Variants in PLCH1 observed in about 807,000 individuals in gnomAD.
PLCH1 encodes 1-phosphatidylinositol 4,5-bisphosphate phosphodiesterase eta-1.
Under a neutral mutation model 126.7 loss-of-function variants are expected in PLCH1, and 60 were observed. The ratio of observed to expected loss-of-function variants is 0.47; its 90% CI spans 0.38 to 0.59. The LOEUF is 0.59. Among genes scored for constraint, PLCH1 ranks in the 20% least tolerant of loss-of-function variants. The pLI, the probability that PLCH1 is intolerant of heterozygous loss-of-function variation, is 0.00. For synonymous variants in PLCH1, 719 were observed against 734.9 expected (o/e 0.98, Z 0.35); for missense variants, 1,723 against 2,040.0 (o/e 0.84, Z 2.99).
At chr3:155,558,000 G>A (rs1415413859) in intron 8 of PLCH1, among the ~76,000 whole-genome samples, 1 of 152,192 alleles carries the variant, frequency 6.6e-6, no homozygotes, top group Non-Finnish European at 1.5e-5. Context: ...AAAAGGCCAT[G>A]TAAAAATGTT....
chr3:155,547,767 A>G (rs1026419587), intron 10 of PLCH1, among the ~76,000 whole-genome samples: 6 of 151,544 alleles, frequency 4.0e-5, no homozygotes, highest in Non-Finnish European at 7.4e-5. Context: ...GGAAATCATC[A>G]TTCTCAGTAA....
chr3:155,628,356 G>GAAAAA (rs34200511), intron 2 of PLCH1, among the ~76,000 whole-genome samples: 18,167 of 97,262 alleles, frequency 0.19, 1,836 homozygotes, highest in East Asian at 0.36. Context: ...CTATGCCCAG[G>GAAAAA]AAAAAAAAAA....
At chr3:155,676,895 C>T (rs73876910) in intron 2 of PLCH1, among the ~76,000 whole-genome samples, 2,296 of 152,030 alleles carry the variant, frequency 0.015, 65 homozygotes, top group African/African-American at 0.053. Context: ...ATGAATGGGT[C>T]TAAAAAAGTC....
chr3:155,542,340 C>A (rs1220323826), intron 10 of PLCH1, among the ~76,000 whole-genome samples: 1 of 152,194 alleles, frequency 6.6e-6, no homozygotes, highest in Non-Finnish European at 1.5e-5. Flanking sequence ...GGGAGGGGAG[C>A]CCGCCATTGC....
rs139816868 is a variant in PLCH1 at position 155,734,091 on chromosome 3, G to T, written c.-41+10749C>A. 4.9e-3 allele frequency among the ~76,000 whole-genome samples: 743 copies of T among 151,734 alleles called. 8 individuals carry two copies. The highest frequency in any genetic ancestry group is 0.017 in the African/African-American group (712 of 41,398). On this transcript the variant is annotated intron_variant, in intron 1 of 22. Coordinates refer to ENST00000460012, the MANE Select transcript of PLCH1 (RefSeq NM_014996.4). Reference sequence around the variant, plus strand: ...AAAGACAAAAAGTAAGTGCTGGCAAGGATATGGAAAAAAGGAAATCCTTGT... The same window carrying T: ...AAAGACAAAAAGTAAGTGCTGGCAATGATATGGAAAAAAGGAAATCCTTGT...
chr3:155,503,205 C>G (rs1718157880), intron 13 of PLCH1, among the ~76,000 whole-genome samples: 1 of 152,180 alleles, frequency 6.6e-6, no homozygotes. Flanking sequence ...CCCCCAAAAG[C>G]CTTCTGATCC....
chr3:155,582,999 C>T (rs1305407260), intron 6 of PLCH1, among the ~76,000 whole-genome samples: 1 of 151,580 alleles, frequency 6.6e-6, no homozygotes, highest in African/African-American at 2.4e-5. Context: ...TACCAATGAC[C>T]TACCACAATA....
At position 155,565,113 on chromosome 3, in the gene PLCH1, T is replaced by A. The variant is rs757597678; in HGVS notation, c.871A>T (p.Thr291Ser). The change falls in exon 8 of 23, where the codon ACG (threonine) becomes TCG (serine). Residue 291 changes from threonine (T) to serine (S), a missense_variant. Thr to Ser is a moderately conservative substitution (Grantham distance 58). Coordinates refer to ENST00000460012, the MANE Select transcript of PLCH1 (RefSeq NM_014996.4). ...CAGGCAGGACTACGCATGAAGTTCG[T>A]GAAGCCTTTGGAAGAAAGAGAGTGA... is the stretch of plus-strand genomic sequence containing the variant. ...VKNVLGIEGFTNFMRSPACDI... is the reference protein window; with the variant it reads ...VKNVLGIEGFSNFMRSPACDI... 5 of 1,611,676 alleles carry A rather than the reference T, an allele frequency of 3.1e-6. No individual in the cohort carries two copies. The East Asian group carries it at 8.9e-5, about 29-fold the overall frequency.
At chr3:155,729,592 T>C (rs1416037771) in intron 1 of PLCH1, among the ~76,000 whole-genome samples, 3 of 152,196 alleles carry the variant, frequency 2.0e-5, no homozygotes, top group Non-Finnish European at 4.4e-5. Context: ...ATATTATTAA[T>C]ATGCTATCTA....
intron 13 of PLCH1, among the ~76,000 whole-genome samples, chr3:155,501,739 G>A (rs1247931944): frequency 2.7e-5 from 4 of 150,638 alleles, no homozygotes; most frequent in East Asian, 2.0e-4. Flanking sequence ...AGGTTGCAGC[G>A]AGCCGAGATC....
At position 155,583,546 on chromosome 3, in the gene PLCH1, G is replaced by A; in HGVS notation, c.697C>T (p.Leu233Phe). The change falls in exon 6 of 23, where the codon CTT becomes TTT. Residue 233 changes from leucine (L) to phenylalanine (F), a missense_variant. Physicochemically the swap from Leu to Phe is conservative, Grantham distance 22. Transcript: ENST00000460012. Reference protein sequence around the residue: ...MSLRRDLYLLLLSYSDKKDHL... With the variant: ...MSLRRDLYLLFLSYSDKKDHL... Reference sequence around the variant, plus strand: ...TCTTTCTTGTCACTGTAGCTCAAAAGTAACAAATAAAGGTCTCGTCTCAAA... The same window carrying A: ...TCTTTCTTGTCACTGTAGCTCAAAAATAACAAATAAAGGTCTCGTCTCAAA... The A allele has an allele frequency of 6.2e-7, 1 of 1,604,512 alleles. No homozygotes were observed. The highest frequency in any genetic ancestry group is 8.5e-7 in the Non-Finnish European group (1 of 1,177,182).
In PLCH1 at chr3:155,531,469, A is replaced by G. The variant is rs1448553564; in HGVS notation, c.1363-7465T>C. ...ATGAAACCCCATGTCTACTAAAAATACAAAAATTAGCTGGGCGTGGTGGCA... is the reference window on the plus strand; with the variant it reads ...ATGAAACCCCATGTCTACTAAAAATGCAAAAATTAGCTGGGCGTGGTGGCA... On this transcript the variant is annotated intron_variant, in intron 10 of 22. Coordinates refer to ENST00000460012, the MANE Select transcript of PLCH1 (RefSeq NM_014996.4). 2.0e-5 allele frequency among the ~76,000 whole-genome samples: 3 copies of G among 152,166 alleles called. 1 individual carries two copies. The highest frequency in any genetic ancestry group is 4.4e-5 in the Non-Finnish European group (3 of 68,048).
At chr3:155,523,465 G>A (rs1374826945) in intron 11 of PLCH1, among the ~76,000 whole-genome samples, 2 of 152,280 alleles carry the variant, frequency 1.3e-5, no homozygotes, top group East Asian at 3.9e-4. Context: ...AGAGGGCATG[G>A]GCATCCCAGA....
At position 155,586,119 on chromosome 3, in the gene PLCH1, C is replaced by G; in HGVS notation, c.546G>C (p.Leu182=). The change falls in exon 5 of 23, where the codon CTG becomes CTC. Residue 182 remains leucine, a synonymous_variant. Coordinates refer to ENST00000460012, the MANE Select transcript of PLCH1 (RefSeq NM_014996.4). The part of the protein sequence containing the change: ...GLLNIEEIHQ[L]MHKLNVNLPR... ...GCAGATTAACATTCAGTTTATGCAT[C>G]AGCTGATGTATCTCTTCAATATTCA... 1 of 1,613,598 alleles carries G rather than the reference C, an allele frequency of 6.2e-7. No individual in the cohort carries two copies. The highest frequency in any genetic ancestry group is 1.3e-5 in the African/African-American group (1 of 75,026).
At chr3:155,710,987 T>A (rs1342708974) in intron 1 of PLCH1, among the ~76,000 whole-genome samples, 1 of 143,366 alleles carries the variant, frequency 7.0e-6, no homozygotes, top group African/African-American at 2.7e-5. Flanking sequence ...TTTTTTTTTT[T>A]AACACAAATT....
chr3:155,572,854 T>C (rs950788734), intron 6 of PLCH1, among the ~76,000 whole-genome samples: 1 of 152,114 alleles, frequency 6.6e-6, no homozygotes, highest in Non-Finnish European at 1.5e-5. Flanking sequence ...GCATCCCATG[T>C]AGTGGGGACT....
chr3:155,636,139 C>T (rs1209137572), intron 2 of PLCH1, among the ~76,000 whole-genome samples: 1 of 152,096 alleles, frequency 6.6e-6, no homozygotes, highest in Non-Finnish European at 1.5e-5. Context: ...TCTCACTGGC[C>T]AGCATTGTGT....
intron 1 of PLCH1, among the ~76,000 whole-genome samples, chr3:155,726,790 G>C (rs1748361609): frequency 6.6e-6 from 1 of 150,722 alleles, no homozygotes; most frequent in African/African-American, 2.4e-5. Context: ...CTGCCTCCCA[G>C]GTTCAAGTGA....
chr3:155,470,464 A>G (rs1357220958), intron 21 of PLCH1, among the ~76,000 whole-genome samples: 2 of 152,162 alleles, frequency 1.3e-5, no homozygotes, highest in East Asian at 1.9e-4. Flanking sequence ...TGTACCTGAA[A>G]GTGATGGGGA....
Sources: allele counts gnomAD v4.1 joint callset (sites outside exome capture counted in the v4.1 genomes callset), GRCh38; gene constraint gnomAD v4.1.1; transcripts MANE v1.5; gene names NCBI Gene and HGNC (gene_info 2026-07-23, HGNC 2026-07-21).